Variants in DMXL2 observed in about 807,000 individuals in gnomAD.
DMXL2 encodes the protein dmX-like protein 2.
DMXL2 carries 103 observed loss-of-function variants against 331.1 expected under a neutral mutation model. The observed-to-expected ratio is 0.31, with a 90% CI of 0.27 to 0.37. The LOEUF (loss-of-function observed/expected upper bound fraction) is 0.37, where lower values mean the gene tolerates loss of function less well. DMXL2 is among the 10% of genes least tolerant of loss of function. The probability of loss-of-function intolerance (pLI) is 1.00; values close to 1 mark genes in which losing one functional copy is unlikely to be tolerated. For synonymous variants in DMXL2, 1,281 were observed against 1,252.1 expected (o/e 1.02, Z -0.49); for missense variants, 3,171 against 3,642.9 (o/e 0.87, Z 3.33).
In DMXL2 at chr15:51,498,573, T is replaced by C; in HGVS notation, c.4651A>G (p.Ser1551Gly). 1.9e-6 allele frequency: 3 copies of C among 1,611,294 alleles called. No homozygotes were observed. In the South Asian group the frequency reaches 3.3e-5, roughly 18 times the overall value. ...VATTSTELDE[S>G]RDKSCSGRDT... ...TTACCTGAGCAACTCTTATCTCTGC[T>C]TTCATCAAGCTCAGTACTAGTAGTA... is the stretch of plus-strand genomic sequence containing the variant. Residue 1551 changes from serine (S) to glycine (G), a missense_variant, in exon 18 of 44, where the codon AGC (serine) becomes GGC (glycine). Physicochemically the swap from Ser to Gly is moderately conservative, Grantham distance 56. This residue lies in a region of DMXL2 where 252 missense variants were observed against 387.4 expected (regional missense o/e 0.65). Coordinates refer to ENST00000560891, the MANE Select transcript of DMXL2 (RefSeq NM_001378457.1).
chr15:51,590,797 T>C (rs1015976785), intron 1 of DMXL2, among the ~76,000 whole-genome samples: 1 of 152,184 alleles, frequency 6.6e-6, no homozygotes, highest in African/African-American at 2.4e-5. Context: ...ACACAGGGCA[T>C]AATGTGGTAG....
chr15:51,450,248 C>A lies in DMXL2; in HGVS notation c.8848G>T (p.Asp2950Tyr), dbSNP rs1361832572. 1 of 1,613,892 alleles carries A rather than the reference C, an allele frequency of 6.2e-7. No individual in the cohort carries two copies. Among genetic ancestry groups the A allele is most frequent in the Admixed American group, 1.7e-5 (1 of 59,980 alleles). Residue 2950 changes from aspartate (D) to tyrosine (Y), a missense_variant, in exon 43 of 44, where the codon GAC (aspartate) becomes TAC (tyrosine). Asp to Tyr is a radical substitution (Grantham distance 160). This residue lies in a region of DMXL2 where 766 missense variants were observed against 940.5 expected (regional missense o/e 0.81). Coordinates refer to ENST00000560891, the MANE Select transcript of DMXL2 (RefSeq NM_001378457.1). ...GGRKGHVCIF[D>Y]IRQRQLIHTF... ...TGAATGAGCTGCCTTTGCCTGATGT[C>A]AAAAATGCAGACGTGTCCTTTCCTA...
chr15:51,455,936 C>T, intron 39 of DMXL2, 130 bp downstream of exon 39: 3 of 1,066,754 alleles, frequency 2.8e-6, no homozygotes, highest in Non-Finnish European at 4.1e-6. Flanking sequence ...TATGAATAGA[C>T]TCCAACAAAC....
chr15:51,500,798 C>T (rs2043536164), intron 17 of DMXL2, among the ~76,000 whole-genome samples: 1 of 152,168 alleles, frequency 6.6e-6, no homozygotes, highest in Non-Finnish European at 1.5e-5. Context: ...GAACCAGAAC[C>T]CTCTTATCTA....
At chr15:51,580,516 T>C (rs1057270875) in intron 1 of DMXL2, among the ~76,000 whole-genome samples, 5 of 152,184 alleles carry the variant, frequency 3.3e-5, no homozygotes, top group African/African-American at 9.7e-5. Flanking sequence ...GGATTCTTTG[T>C]AGAGCTGACC....
intron 1 of DMXL2, among the ~76,000 whole-genome samples, chr15:51,598,598 A>T (rs1008363979): frequency 3.3e-5 from 5 of 152,192 alleles, no homozygotes; most frequent in Admixed American, 3.3e-4. Context: ...CTTTCATGGC[A>T]TTAACACTTT....
At chr15:51,519,644 T>TG (rs1324719368) in intron 13 of DMXL2, among the ~76,000 whole-genome samples, 4 of 145,308 alleles carry the variant, frequency 2.8e-5, no homozygotes, top group African/African-American at 1.0e-4. Context: ...TTGTTTTTTT[T>TG]TTTTTTTTTT....
At chr15:51,621,225 A>G (rs2141476867) in intron 1 of DMXL2, among the ~76,000 whole-genome samples, 1 of 152,344 alleles carries the variant, frequency 6.6e-6, no homozygotes, top group Admixed American at 6.5e-5. Context: ...AGTGGATTAC[A>G]CTAAAAAATT....
intron 1 of DMXL2, among the ~76,000 whole-genome samples, chr15:51,579,952 A>G (rs1237998531): frequency 6.6e-6 from 1 of 152,176 alleles, no homozygotes; most frequent in Non-Finnish European, 1.5e-5. Flanking sequence ...AGGGTAAGTA[A>G]TTTGCCCTAG....
rs116652433 is a variant in DMXL2 at position 51,447,894 on chromosome 15, A to G, written c.*1090T>C. 5.0e-4 allele frequency: 76 copies of G among 152,810 alleles called. 1 individual carries two copies. The highest frequency in any genetic ancestry group is 1.8e-3 in the African/African-American group (74 of 41,594). The allele number at this position is 152,810 out of a possible 1,614,324, so 9.5% of individuals were successfully genotyped here. A position where few individuals can be genotyped will look rare whatever the true frequency, so the allele number is the denominator to read the frequency against. Reference sequence around the variant, plus strand: ...TATGCCATTGTATTTACTATTTACCACACAGGCATTGAACATTCTCATTAA... The same window carrying G: ...TATGCCATTGTATTTACTATTTACCGCACAGGCATTGAACATTCTCATTAA... On this transcript the variant is annotated 3_prime_UTR_variant, in exon 44 of 44. Transcript: ENST00000560891.
intron 31 of DMXL2, 61 bp from the exon 32 acceptor site, chr15:51,464,937 T>C (rs1343376952): frequency 7.3e-7 from 1 of 1,377,634 alleles, no homozygotes; most frequent in Non-Finnish European, 1.0e-6. Context: ...CACCCAAATA[T>C]TTATAGAATC....
intron 16 of DMXL2, 57 bp downstream of exon 16, chr15:51,507,077 T>C: frequency 2.2e-6 from 3 of 1,343,270 alleles, no homozygotes; most frequent in South Asian, 1.7e-5. Context: ...AAGTAAAGCA[T>C]ATTCTATAAA....
Position 51,616,851 on chromosome 15 carries a change from C to T in DMXL2, c.87+5608G>A, listed in dbSNP as rs76804237. Among the ~76,000 whole-genome samples, 390 of 147,008 alleles carry T rather than the reference C, an allele frequency of 2.7e-3. 16 individuals carry two copies. In the East Asian group the frequency reaches 0.066, roughly 25 times the overall value. ...ACTCAGGAGGCTGAGGCAGGAGAATCGCTTGAACCTAGGAGATGGAGGTTG... is the reference window on the plus strand; with the variant it reads ...ACTCAGGAGGCTGAGGCAGGAGAATTGCTTGAACCTAGGAGATGGAGGTTG... On this transcript the variant is annotated intron_variant, in intron 1 of 43. Transcript: ENST00000560891.
intron 40 of DMXL2, among the ~76,000 whole-genome samples, chr15:51,454,791 G>A (rs1311262090): frequency 1.3e-5 from 2 of 151,910 alleles, no homozygotes; most frequent in African/African-American, 4.8e-5. Flanking sequence ...CACCGTGCCC[G>A]GCAGAACCTG....
chr15:51,527,404 A>C (rs1037752828), intron 13 of DMXL2, among the ~76,000 whole-genome samples: 1 of 152,168 alleles, frequency 6.6e-6, no homozygotes, highest in Non-Finnish European at 1.5e-5. Flanking sequence ...GAGTTCTTAA[A>C]TCAGAAAAAA....
intron 18 of DMXL2, among the ~76,000 whole-genome samples, chr15:51,496,814 G>C (rs1399737687): frequency 6.6e-6 from 1 of 152,170 alleles, no homozygotes; most frequent in African/African-American, 2.4e-5. Flanking sequence ...ACTGTAAGTT[G>C]TCTCACCTGA....
At chr15:51,487,814 G>A in intron 22 of DMXL2, 140 bp downstream of exon 22, 1 of 639,876 alleles carries the variant, frequency 1.6e-6, no homozygotes, top group Non-Finnish European at 2.4e-6. Context: ...TTACCACAGT[G>A]CCACTATTTT....
chr15:51,492,549 C>T (rs1278321111), intron 19 of DMXL2, among the ~76,000 whole-genome samples: 2 of 152,052 alleles, frequency 1.3e-5, no homozygotes, highest in East Asian at 1.9e-4. Flanking sequence ...TTTGAAGAGG[C>T]AACAAAATCT....
chr15:51,524,968 C>G (rs1441514561), intron 13 of DMXL2, among the ~76,000 whole-genome samples: 1 of 151,620 alleles, frequency 6.6e-6, no homozygotes, highest in Non-Finnish European at 1.5e-5. Flanking sequence ...CTGTACAACT[C>G]ACGGCTCCAA....
Sources: allele counts gnomAD v4.1 joint callset (sites outside exome capture counted in the v4.1 genomes callset), GRCh38; gene constraint gnomAD v4.1.1; regional missense constraint gnomAD v4.1.1; transcripts MANE v1.5; gene names NCBI Gene and HGNC (gene_info 2026-07-23, HGNC 2026-07-21).